The following KCNS3 variants were observed in gnomAD, a reference collection of about 807,000 sequenced individuals.
KCNS3 encodes the protein potassium voltage-gated channel modifier subfamily S member 3, also known as delayed-rectifier potassium channel regulatory subunit KCNS3.
Under a neutral mutation model 31.0 loss-of-function variants are expected in KCNS3, and 13 were observed. The ratio of observed to expected loss-of-function variants is 0.42; its 90% CI spans 0.27 to 0.67. The LOEUF is 0.67. Among genes scored for constraint, KCNS3 ranks in the 30% least tolerant of loss-of-function variants. KCNS3 has a pLI of 0.25. For synonymous variants in KCNS3, 238 were observed against 241.5 expected, an observed-to-expected ratio of 0.99 and a Z score of 0.13; for missense variants, 545 against 622.4, an observed-to-expected ratio of 0.88 and a Z score of 1.32.
chr2:17,890,982 A>C (rs1661840105), intron 1 of KCNS3, among the ~76,000 whole-genome samples: 1 of 152,012 alleles, frequency 6.6e-6, no homozygotes, highest in African/African-American at 2.4e-5. Context: ...TTCTTTGTTG[A>C]CTTTCTGTCT....
chr2:17,924,694 A>G (rs1662796138), intron 2 of KCNS3, among the ~76,000 whole-genome samples: 2 of 152,266 alleles, frequency 1.3e-5, no homozygotes, highest in African/African-American at 4.8e-5. Flanking sequence ...AATTCCTGAG[A>G]TAAATCCCAC....
At chr2:17,889,838 T>G (rs1312501781) in intron 1 of KCNS3, among the ~76,000 whole-genome samples, 1 of 152,208 alleles carries the variant, frequency 6.6e-6, no homozygotes, top group Non-Finnish European at 1.5e-5. Flanking sequence ...TGTATTTTGT[T>G]AAGGATTTTA....
At chr2:17,929,686 C>T (rs2125255147) in intron 2 of KCNS3, among the ~76,000 whole-genome samples, 1 of 152,272 alleles carries the variant, frequency 6.6e-6, no homozygotes, top group South Asian at 2.1e-4. Flanking sequence ...TCTCAGTAAT[C>T]CCAAAGATGC....
At chr2:17,906,135 A>T (rs1325533500) in intron 1 of KCNS3, among the ~76,000 whole-genome samples, 4 of 152,212 alleles carry the variant, frequency 2.6e-5, no homozygotes, top group Admixed American at 2.6e-4. Flanking sequence ...CCTCAATTTC[A>T]GAGCCTGTTA....
At chr2:17,888,374 T>C (rs553291407) in intron 1 of KCNS3, among the ~76,000 whole-genome samples, 2 of 152,020 alleles carry the variant, frequency 1.3e-5, no homozygotes, top group Admixed American at 1.3e-4. Flanking sequence ...TTAATACATC[T>C]TGTTGATTTT....
intron 2 of KCNS3, among the ~76,000 whole-genome samples, chr2:17,921,742 C>T (rs182702013): frequency 1.3e-5 from 2 of 151,408 alleles, no homozygotes; most frequent in East Asian, 3.9e-4. Context: ...AGCTCACTAA[C>T]AATCATGAAA....
rs4240213 is a variant in KCNS3, at chr2:17,931,206, G to A, written c.198G>A (p.Glu66=). The A allele has an allele frequency of 0.97, 1,557,731 of 1,614,112 alleles. 752,402 individuals are homozygous for A. Among genetic ancestry groups the A allele is most frequent in the East Asian group, 1 (44,880 of 44,882 alleles). The change falls in exon 3 of 3, where the codon GAG becomes GAA. Residue 66 remains glutamate (E), a synonymous_variant. Transcript: ENST00000304101. The surrounding 1 kb of genome is among the most constrained non-coding windows in gnomAD (Gnocchi z 5.4). ...ATGATTACAGTGTGGCCGATAAGGA[G>A]TACTACTTTGATCGGAATCCCTCCT... ...LCDDYSVADK[E]YYFDRNPSLF... is the part of the protein sequence containing the mutation.
intron 2 of KCNS3, among the ~76,000 whole-genome samples, chr2:17,921,588 G>T (rs552939173): frequency 1.3e-5 from 2 of 151,786 alleles, no homozygotes; most frequent in African/African-American, 4.8e-5. Context: ...TAAGAGTTCC[G>T]CATGGCTGGG....
At chr2:17,901,359 G>A (rs1173341280) in intron 1 of KCNS3, among the ~76,000 whole-genome samples, 1 of 152,184 alleles carries the variant, frequency 6.6e-6, no homozygotes, top group Non-Finnish European at 1.5e-5. Context: ...AGAGGCAATG[G>A]GGATGTGTAT....
intron 1 of KCNS3, among the ~76,000 whole-genome samples, chr2:17,904,713 G>T (rs1450285010): frequency 6.6e-6 from 1 of 152,166 alleles, no homozygotes; most frequent in African/African-American, 2.4e-5. Context: ...TTATTAAATA[G>T]GGAATCCTTT....
chr2:17,931,401 G>C lies in KCNS3; in HGVS notation c.393G>C (p.Lys131Asn). 6 of 1,614,154 alleles carry C rather than the reference G, an allele frequency of 3.7e-6. No homozygotes were observed. Among genetic ancestry groups the C allele is most frequent in the Non-Finnish European group, 5.1e-6 (6 of 1,180,024 alleles). Reference sequence around the variant, plus strand: ...AACGCAAGGAGGAAAACCACGAGAAGGACTGGGACCAGAAAAGCCATGATG... The same window carrying C: ...AACGCAAGGAGGAAAACCACGAGAACGACTGGGACCAGAAAAGCCATGATG... ...YQERKEENHEKDWDQKSHDVS... is the reference protein window; with the variant it reads ...YQERKEENHENDWDQKSHDVS... The change falls in exon 3 of 3, where the codon AAG (lysine) becomes AAC (asparagine). Residue 131 changes from lysine (K) to asparagine (N), a missense_variant. Physicochemically the swap from Lys to Asn is moderately conservative, Grantham distance 94. Coordinates refer to ENST00000304101, the MANE Select transcript of KCNS3 (RefSeq NM_002252.5). This position sits in a 1 kb window ranked among gnomAD's most constrained non-coding sequence, Gnocchi z 5.4.
intron 1 of KCNS3, among the ~76,000 whole-genome samples, chr2:17,888,631 A>ATATCTATATC (rs199928504): frequency 0.065 from 1,980 of 30,340 alleles, 139 homozygotes; most frequent in Admixed American, 0.23. Context: ...AAAAAAATGT[A>ATATCTATATC]TATATATATA....
chr2:17,906,354 CTTCT>C (rs1241634778), intron 1 of KCNS3, among the ~76,000 whole-genome samples: 1 of 151,922 alleles, frequency 6.6e-6, no homozygotes, highest in African/African-American at 2.4e-5. Flanking sequence ...TCTCTCTTTT[CTTCT>C]TTATTAGTCT....
At position 17,931,379 on chromosome 2, in the gene KCNS3, G is replaced by A. The variant is rs777273178; in HGVS notation, c.371G>A (p.Arg124His). Residue 124 changes from arginine (R) to histidine (H), a missense_variant, in exon 3 of 3, where the codon CGC becomes CAC. By Grantham distance (29) the Arg-to-His change is conservative (BLOSUM62 0). Transcript: ENST00000304101. This position sits in a 1 kb window ranked among gnomAD's most constrained non-coding sequence, Gnocchi z 5.4. ...DSCCSNRYQE[R>H]KEENHEKDWD... ...TGCTGCAGCAATCGCTACCAGGAAC[G>A]CAAGGAGGAAAACCACGAGAAGGAC... is the stretch of plus-strand genomic sequence containing the variant. The A allele has an allele frequency of 1.4e-5, 23 of 1,614,022 alleles. No homozygotes were observed. Among genetic ancestry groups the A allele is most frequent in the East Asian group, 4.5e-5 (2 of 44,888 alleles).
intron 1 of KCNS3, among the ~76,000 whole-genome samples, chr2:17,907,209 T>C (rs951684139): frequency 6.6e-6 from 1 of 152,244 alleles, no homozygotes; most frequent in South Asian, 2.1e-4. Flanking sequence ...TTTACCATTA[T>C]GTAATGGCCT....
intron 1 of KCNS3, among the ~76,000 whole-genome samples, chr2:17,905,887 A>G (rs1348516643): frequency 1.3e-5 from 2 of 152,188 alleles, no homozygotes; most frequent in Non-Finnish European, 2.9e-5. Flanking sequence ...GGATTTTTGC[A>G]TCGATGTTCA....
chr2:17,906,086 G>A (rs926324870), intron 1 of KCNS3, among the ~76,000 whole-genome samples: 1 of 152,180 alleles, frequency 6.6e-6, no homozygotes, highest in African/African-American at 2.4e-5. Context: ...AATCCGTCTG[G>A]TCCTGGACTT....
rs1380762335 is a variant in KCNS3, at chr2:17,903,920, G to A, written c.-251-13760G>A. Among the ~76,000 whole-genome samples the A allele has an allele frequency of 1.6e-4, 25 of 152,206 alleles. 1 individual carries two copies. Among genetic ancestry groups the A allele is most frequent in the African/African-American group, 5.8e-4 (24 of 41,522 alleles). On this transcript the variant is annotated intron_variant, in intron 1 of 2. Coordinates refer to ENST00000304101, the MANE Select transcript of KCNS3 (RefSeq NM_002252.5). ...GTGAATAGTGCTGCAATAAACATAC[G>A]CGTGCATGTGCCTTTATAGCAGCAT...
intron 1 of KCNS3, among the ~76,000 whole-genome samples, chr2:17,888,453 A>G (rs1157006373): frequency 6.6e-6 from 1 of 151,416 alleles, no homozygotes; most frequent in Non-Finnish European, 1.5e-5. Context: ...TCCCAGCACC[A>G]TTTATTGAAA....
Sources: allele counts gnomAD v4.1 joint callset (sites outside exome capture counted in the v4.1 genomes callset), GRCh38; gene constraint gnomAD v4.1.1; non-coding constraint Gnocchi (gnomAD v3.1); transcripts MANE v1.5; gene names NCBI Gene and HGNC (gene_info 2026-07-23, HGNC 2026-07-21).